Variants in ZNF324B observed in about 807,000 individuals in gnomAD.
ZNF324B encodes the protein zinc finger protein 324B.
Under a neutral mutation model 10.6 loss-of-function variants are expected in ZNF324B, and 7 were observed. The ratio of observed to expected loss-of-function variants is 0.66; its 90% CI spans 0.38 to 1.24. ZNF324B has a LOEUF of 1.24. Among genes scored for constraint, ZNF324B ranks in the 50% most tolerant of loss-of-function variants. The probability of loss-of-function intolerance (pLI) is 0.02; values close to 1 mark genes in which losing one functional copy is unlikely to be tolerated. For missense variants in ZNF324B, 640 were observed against 764.7 expected (o/e 0.84, Z 1.92); for synonymous variants, 316 against 321.0 (o/e 0.98, Z 0.17).
the ZNF324B span, among the ~76,000 whole-genome samples, chr19:58,420,606 G>T: frequency 2.0e-5 from 3 of 151,608 alleles, no homozygotes; most frequent in Non-Finnish European, 4.4e-5. Flanking sequence ...TTTGCCATGT[G>T]CCCAGGCTGA....
the ZNF324B span, chr19:58,433,738 C>T: frequency 6.2e-7 from 1 of 1,614,020 alleles, no homozygotes; most frequent in Non-Finnish European, 8.5e-7. Flanking sequence ...CTCATAAGGC[C>T]TTTCTTTTGT....
At chr19:58,433,229 C>T in the ZNF324B span, 19 of 1,327,976 alleles carry the variant, frequency 1.4e-5, no homozygotes, top group Non-Finnish European at 1.3e-5. Context: ...ATTAGCAGTA[C>T]ATGTAGGTAA....
At chr19:58,427,403 TTTCCTTCCTTCC>T in the ZNF324B span, among the ~76,000 whole-genome samples, 5 of 46,544 alleles carry the variant, frequency 1.1e-4, no homozygotes, top group South Asian at 8.3e-4. Context: ...TCTTTCTTTC[TTTCCTTCCTTCC>T]TTCCTTCCTT....
chr19:58,420,398 G>A, the ZNF324B span, among the ~76,000 whole-genome samples: 4 of 150,634 alleles, frequency 2.7e-5, no homozygotes, highest in African/African-American at 9.8e-5. Flanking sequence ...CAGCCTGGGT[G>A]ACAAAGCAAG....
chr19:58,433,689 A>G, the ZNF324B span: 2 of 1,609,978 alleles, frequency 1.2e-6, no homozygotes, highest in Non-Finnish European at 1.7e-6. Context: ...GCTTAATGAG[A>G]ATGGAGTTTT....
chr19:58,435,244 T>C, the ZNF324B span: 1 of 1,584,272 alleles, frequency 6.3e-7, no homozygotes, highest in Admixed American at 1.8e-5. Flanking sequence ...TAACTAAGAA[T>C]TCCACTTGGT....
chr19:58,453,414 G>A (rs2052881224), intron 1 of ZNF324B: 1 of 524,250 alleles, frequency 1.9e-6, no homozygotes, highest in Non-Finnish European at 3.5e-6. Context: ...GATATTTGGG[G>A]CTGCCCTTGG....
intron 3 of ZNF324B, chr19:58,454,725 T>G (rs1395619007): frequency 3.6e-6 from 2 of 560,764 alleles, no homozygotes; most frequent in East Asian, 5.8e-5. Flanking sequence ...CCTGCCTTTG[T>G]GGGGCTGATG....
chr19:58,431,376 A>C, the ZNF324B span, among the ~76,000 whole-genome samples: 1 of 152,202 alleles, frequency 6.6e-6, no homozygotes, highest in African/African-American at 2.4e-5. Flanking sequence ...TCTAGGACAG[A>C]TGTGGAAGCA....
chr19:58,425,472 CTTT>C, the ZNF324B span, among the ~76,000 whole-genome samples: 3 of 135,258 alleles, frequency 2.2e-5, no homozygotes, highest in Non-Finnish European at 3.2e-5. Flanking sequence ...TCCTTCTTTC[CTTT>C]TTTTTTTTTT....
At chr19:58,435,152 C>T in the ZNF324B span, 48 of 1,614,082 alleles carry the variant, frequency 3.0e-5, no homozygotes, top group Non-Finnish European at 4.1e-5. Flanking sequence ...ACCTGTAACA[C>T]TTCTACAGAA....
the ZNF324B span, chr19:58,442,946 G>C: frequency 1.2e-4 from 19 of 152,398 alleles, no homozygotes; most frequent in African/African-American, 4.6e-4. Context: ...TGGGTGGCCA[G>C]CTTTTATTCT....
the ZNF324B span, chr19:58,437,227 A>G: frequency 3.2e-6 from 5 of 1,575,910 alleles, no homozygotes; most frequent in Non-Finnish European, 4.3e-6. Context: ...TGACAAAGAA[A>G]CAAACAATTG....
At chr19:58,430,844 A>T in the ZNF324B span, 1 of 152,212 alleles carries the variant, frequency 6.6e-6, no homozygotes, top group Non-Finnish European at 1.5e-5. Context: ...GCTTCTCCCT[A>T]TCATGGCCTG....
At chr19:58,450,464 C>CAAAAAAA (rs35336344), upstream of ZNF324B, among the ~76,000 whole-genome samples, 3 of 104,880 alleles carry the variant, frequency 2.9e-5, no homozygotes, top group African/African-American at 3.6e-5. Context: ...GACCCTGTCT[C>CAAAAAAA]AAAAAAAAAA....
At chr19:58,428,555 C>T in the ZNF324B span, 1 of 152,208 alleles carries the variant, frequency 6.6e-6, no homozygotes, top group African/African-American at 2.4e-5. Context: ...TAAGCCACTC[C>T]AGACCATGAT....
Position 58,456,372 on chromosome 19 carries a change from G to A in ZNF324B, c.1428G>A (p.Thr476=), listed in dbSNP as rs369009050. 56 of 1,612,540 alleles carry A rather than the reference G, an allele frequency of 3.5e-5. No individual in the cohort carries two copies. The highest frequency in any genetic ancestry group is 1.6e-4 in the Middle Eastern group (1 of 6,084). The change falls in exon 4 of 4, where the codon ACG becomes ACA. Residue 476 remains threonine (T), a synonymous_variant. Coordinates refer to ENST00000336614, the MANE Select transcript of ZNF324B (RefSeq NM_207395.3). This position sits in a 1 kb window ranked among gnomAD's most constrained non-coding sequence, Gnocchi z 4.7. ...TGCTCAGCCACCGGCGCATTCACAC[G>A]GGCGAGAAGCCCTTCGTGTGCACGC... is the stretch of plus-strand genomic sequence containing the variant. The part of the protein sequence containing the change: ...AVLLSHRRIH[T]GEKPFVCTQC...
chr19:58,432,204 C>A, the ZNF324B span: 1 of 437,644 alleles, frequency 2.3e-6, no homozygotes, highest in Non-Finnish European at 4.5e-6. Context: ...CAGGCTATCA[C>A]TTCTCTCAGC....
At chr19:58,429,166 T>G in the ZNF324B span, 1 of 152,214 alleles carries the variant, frequency 6.6e-6, no homozygotes, top group Admixed American at 6.5e-5. Context: ...TTTGAGACAC[T>G]CAGTGCCCCC....
Sources: allele counts gnomAD v4.1 joint callset (sites outside exome capture counted in the v4.1 genomes callset), GRCh38; gene constraint gnomAD v4.1.1; non-coding constraint Gnocchi (gnomAD v3.1); transcripts MANE v1.5; gene names NCBI Gene and HGNC (gene_info 2026-07-23, HGNC 2026-07-21).